Variants in SLC18A3 observed in about 807,000 individuals in gnomAD.
SLC18A3 encodes the protein vesicular acetylcholine transporter.
A neutral mutation model predicts 24.2 loss-of-function variants in SLC18A3; 18 were observed. The ratio of observed to expected loss-of-function variants is 0.74; its 90% CI spans 0.51 to 1.10. The LOEUF is 1.10. SLC18A3 is among the 50% of genes least tolerant of loss of function. The pLI is 0.00. For synonymous variants in SLC18A3, 415 were observed against 355.4 expected (o/e 1.17, Z -1.89); for missense variants, 744 against 750.7 (o/e 0.99, Z 0.10).
At position 49,610,476 on chromosome 10, in the gene SLC18A3, C is replaced by T. The variant is rs910871421; in HGVS notation, c.-265C>T. ...TGCGCCCAGTCTCCGGCCCCGGCCC[C>T]TCGGCGCGCCCGACTTCCCGGCCGC... On this transcript the variant is annotated 5_prime_UTR_variant, in exon 1 of 1. Transcript: ENST00000374115. 91 of 398,108 alleles carry T rather than the reference C, an allele frequency of 2.3e-4. 1 individual carries two copies. The Middle Eastern group carries it at 3.1e-3, about 14-fold the overall frequency. The allele number at this position is 398,108 out of a possible 1,614,324, so 24.7% of individuals were successfully genotyped here. A position where few individuals can be genotyped will look rare whatever the true frequency, so the allele number is the denominator to read the frequency against.
Position 49,611,494 on chromosome 10 carries a change from T to A in SLC18A3, c.754T>A (p.Ser252Thr). Residue 252 changes from serine (S) to threonine (T), a missense_variant, in exon 1 of 1, where the codon TCG (serine) becomes ACG (threonine). Coordinates refer to ENST00000374115, the MANE Select transcript of SLC18A3 (RefSeq NM_003055.3). ...RVPFLVLAAV[S>T]LFDALLLLAV... ...GCCCTTCTTGGTGCTAGCTGCCGTG[T>A]CGCTCTTTGACGCGCTGTTGCTGCT... The A allele has an allele frequency of 6.2e-7, 1 of 1,600,336 alleles. No individual in the cohort carries two copies. Among genetic ancestry groups the A allele is most frequent in the Non-Finnish European group, 8.5e-7 (1 of 1,179,854 alleles).
At position 49,610,429 on chromosome 10, in the gene SLC18A3, T is replaced by C. The variant is rs988281433; in HGVS notation, c.-312T>C. On this transcript the variant is annotated 5_prime_UTR_variant, in exon 1 of 1. Coordinates refer to ENST00000374115, the MANE Select transcript of SLC18A3 (RefSeq NM_003055.3). ...GGCCTCTTAGCGCGGCGGGGGCTGC[T>C]CTGGGCGCGCCCCGGGCGAAGTGCG... The C allele has an allele frequency of 3.1e-6, 1 of 324,762 alleles. No homozygotes were observed. 20.1% of individuals were successfully genotyped at this position (324,762 alleles called of 1,614,324 possible).
rs1284406222 is a variant in SLC18A3 at position 49,612,078 on chromosome 10, G to C, written c.1338G>C (p.Leu446=). ...TGGCAGGCCACATTGTGCACTCGCTGGGCTTTGAGCAGCTCAGCCTTGGCA... is the reference window on the plus strand; with the variant it reads ...TGGCAGGCCACATTGTGCACTCGCTCGGCTTTGAGCAGCTCAGCCTTGGCA... ...PIVAGHIVHS[L]GFEQLSLGMG... is the part of the protein sequence containing the mutation. The change falls in exon 1 of 1, where the codon CTG becomes CTC. Residue 446 remains leucine (L), a synonymous_variant. Coordinates refer to ENST00000374115, the MANE Select transcript of SLC18A3 (RefSeq NM_003055.3). 2.5e-6 allele frequency: 4 copies of C among 1,613,560 alleles called. No homozygotes were observed. In the South Asian group the frequency reaches 4.4e-5, roughly 18 times the overall value.
chr10:49,610,495 C>T lies in SLC18A3; in HGVS notation c.-246C>T. 2 of 408,614 alleles carry T rather than the reference C, an allele frequency of 4.9e-6. No individual in the cohort carries two copies. The highest frequency in any genetic ancestry group is 4.3e-6 in the Non-Finnish European group (1 of 235,172). 25.3% of individuals were successfully genotyped at this position (408,614 alleles called of 1,614,324 possible). ...CGGCCCCTCGGCGCGCCCGACTTCC[C>T]GGCCGCCCCTGAGCCCAGCAGCCGC... On this transcript the variant is annotated 5_prime_UTR_variant, in exon 1 of 1. Coordinates refer to ENST00000374115, the MANE Select transcript of SLC18A3 (RefSeq NM_003055.3).
rs758934192 is a variant in SLC18A3 at position 49,611,420 on chromosome 10, T to G, written c.680T>G (p.Val227Gly). The G allele has an allele frequency of 2.6e-5, 41 of 1,597,724 alleles. No individual in the cohort carries two copies. Among genetic ancestry groups the G allele is most frequent in the Non-Finnish European group, 3.2e-5 (38 of 1,179,116 alleles). Residue 227 changes from valine (V) to glycine (G), a missense_variant, in exon 1 of 1, where the codon GTG (valine) becomes GGG (glycine). By Grantham distance (109) the Val-to-Gly change is moderately radical. Around this residue, in one of 3 missense-constraint regions of SLC18A3, gnomAD observed 566 missense variants for 566.2 expected, o/e 1.00. Transcript: ENST00000374115. Reference protein sequence around the residue: ...ALAFISFGSLVAPPFGGILYE... With the variant: ...ALAFISFGSLGAPPFGGILYE... Reference sequence around the variant, plus strand: ...GCCTTCATTAGCTTCGGAAGCCTAGTGGCCCCGCCCTTCGGGGGCATCCTC... The same window carrying G: ...GCCTTCATTAGCTTCGGAAGCCTAGGGGCCCCGCCCTTCGGGGGCATCCTC...
In SLC18A3 at chr10:49,611,022, G is replaced by A. The variant is rs371337298; in HGVS notation, c.282G>A (p.Thr94=). ...CTCCGGCCAATGCCAGCGCCTACAC[G>A]GCCAACACCTCGGCGTCCCCGACAG... ...LPTPANASAY[T]ANTSASPTAA... is the part of the protein sequence containing the mutation. The change falls in exon 1 of 1, where the codon ACG becomes ACA. Residue 94 remains threonine (T), a synonymous_variant. Transcript: ENST00000374115. 4 of 1,613,852 alleles carry A rather than the reference G, an allele frequency of 2.5e-6. No homozygotes were observed. Among genetic ancestry groups the A allele is most frequent in the Non-Finnish European group, 3.4e-6 (4 of 1,179,894 alleles).
Position 49,612,713 on chromosome 10 carries a change from T to A in SLC18A3, c.*374T>A. 4.4e-6 allele frequency: 1 copy of A among 229,234 alleles called. No homozygotes were observed. Among genetic ancestry groups the A allele is most frequent in the Non-Finnish European group, 8.8e-6 (1 of 113,454 alleles). 14.2% of individuals were successfully genotyped at this position (229,234 alleles called of 1,614,324 possible). ...CGCCCAAATCAATAAACTGTGTCTG[T>A]CCCAGGAGGCCGAGTCTCTTTACTG... On this transcript the variant is annotated 3_prime_UTR_variant, in exon 1 of 1. Coordinates refer to ENST00000374115, the MANE Select transcript of SLC18A3 (RefSeq NM_003055.3).
In SLC18A3 at chr10:49,610,775, C is replaced by G. The variant is rs1449435830; in HGVS notation, c.35C>G (p.Ala12Gly). Reference protein sequence around the residue: ...ESAEPAGQARAAATKLSEAVG... With the variant: ...ESAEPAGQARGAATKLSEAVG... ...GCGGAACCTGCGGGCCAGGCCCGGG[C>G]GGCGGCCACCAAGCTGTCGGAGGCT... The change falls in exon 1 of 1, where the codon GCG becomes GGG. Residue 12 changes from alanine (A) to glycine (G), a missense_variant. This residue lies in a region of SLC18A3 where 566 missense variants were observed against 566.2 expected (regional missense o/e 1.00). Transcript: ENST00000374115. 23 of 1,561,362 alleles carry G rather than the reference C, an allele frequency of 1.5e-5. No homozygotes were observed. Among genetic ancestry groups the G allele is most frequent in the Non-Finnish European group, 1.8e-5 (21 of 1,155,556 alleles).
In SLC18A3 at chr10:49,612,038, C is replaced by G. The variant is rs1481268167; in HGVS notation, c.1298C>G (p.Ala433Gly). 6.2e-7 allele frequency: 1 copy of G among 1,613,718 alleles called. No individual in the cohort carries two copies. Among genetic ancestry groups the G allele is most frequent in the Non-Finnish European group, 8.5e-7 (1 of 1,179,980 alleles). The part of the protein sequence containing the change: ...IADISYSVAY[A>G]LGPIVAGHIV... ...GACATCTCCTATTCGGTGGCCTACGCGCTCGGGCCCATAGTGGCAGGCCAC... is the reference window on the plus strand; with the variant it reads ...GACATCTCCTATTCGGTGGCCTACGGGCTCGGGCCCATAGTGGCAGGCCAC... The change falls in exon 1 of 1, where the codon GCG becomes GGG. Residue 433 changes from alanine to glycine, a missense_variant. This residue lies in a region of SLC18A3 where 160 missense variants were observed against 140.9 expected (regional missense o/e 1.14). Transcript: ENST00000374115.
rs1406958499 is a variant in SLC18A3 at position 49,610,470 on chromosome 10, C to G, written c.-271C>G. 2.5e-6 allele frequency: 1 copy of G among 392,286 alleles called. No homozygotes were observed. Among genetic ancestry groups the G allele is most frequent in the Non-Finnish European group, 4.5e-6 (1 of 223,612 alleles). The allele number at this position is 392,286 out of a possible 1,614,324, so 24.3% of individuals were successfully genotyped here. A position where few individuals can be genotyped will look rare whatever the true frequency, so the allele number is the denominator to read the frequency against. Reference sequence around the variant, plus strand: ...GCGAAGTGCGCCCAGTCTCCGGCCCCGGCCCCTCGGCGCGCCCGACTTCCC... The same window carrying G: ...GCGAAGTGCGCCCAGTCTCCGGCCCGGGCCCCTCGGCGCGCCCGACTTCCC... On this transcript the variant is annotated 5_prime_UTR_variant, in exon 1 of 1. Coordinates refer to ENST00000374115, the MANE Select transcript of SLC18A3 (RefSeq NM_003055.3).
Position 49,612,251 on chromosome 10 carries a change from T to C in SLC18A3, c.1511T>C (p.Val504Ala). The change falls in exon 1 of 1, where the codon GTG becomes GCG. Residue 504 changes from valine to alanine, a missense_variant. Physicochemically the swap from Val to Ala is moderately conservative, Grantham distance 64 (BLOSUM62 0). Around this residue, in one of 3 missense-constraint regions of SLC18A3, gnomAD observed 160 missense variants for 140.9 expected, o/e 1.14. Coordinates refer to ENST00000374115, the MANE Select transcript of SLC18A3 (RefSeq NM_003055.3). ...YDAVRLRERPVSGQDGEPRSP... is the reference protein window; with the variant it reads ...YDAVRLRERPASGQDGEPRSP... The stretch of plus-strand genomic sequence containing the variant: ...GCGGTGCGCCTGCGTGAGCGTCCTG[T>C]GTCTGGCCAGGACGGCGAGCCTCGC... 1.2e-6 allele frequency: 2 copies of C among 1,610,368 alleles called. No individual in the cohort carries two copies. Among genetic ancestry groups the C allele is most frequent in the Non-Finnish European group, 1.7e-6 (2 of 1,179,978 alleles).
chr10:49,612,423 G>A lies in SLC18A3; in HGVS notation c.*84G>A. On this transcript the variant is annotated 3_prime_UTR_variant, in exon 1 of 1. Coordinates refer to ENST00000374115, the MANE Select transcript of SLC18A3 (RefSeq NM_003055.3). ...AGCCCACTGGCCAGCTCTGGCTCAG[G>A]GCCCACCTCCTCCAGCGAGTACCCC... The A allele has an allele frequency of 7.3e-7, 1 of 1,367,456 alleles. No homozygotes were observed. The highest frequency in any genetic ancestry group is 1.4e-5 in the South Asian group (1 of 70,390). 84.7% of individuals were successfully genotyped at this position (1,367,456 alleles called of 1,614,324 possible).
chr10:49,610,707 G>A lies in SLC18A3; in HGVS notation c.-34G>A, dbSNP rs8187731. The A allele has an allele frequency of 2.7e-4, 393 of 1,462,342 alleles. 1 individual carries two copies. The African/African-American group carries it at 4.9e-3, about 18-fold the overall frequency. The allele number at this position is 1,462,342 out of a possible 1,614,324, so 90.6% of individuals were successfully genotyped here. On this transcript the variant is annotated 5_prime_UTR_variant, in exon 1 of 1. Transcript: ENST00000374115. Reference sequence around the variant, plus strand: ...CGGGACGCCAGCGCTCGGCCCTGGCGGAGGCGTCCTCGGAAGAGCATCGGG... The same window carrying A: ...CGGGACGCCAGCGCTCGGCCCTGGCAGAGGCGTCCTCGGAAGAGCATCGGG...
chr10:49,610,591 G>A lies in SLC18A3; in HGVS notation c.-150G>A, dbSNP rs1421232111. On this transcript the variant is annotated 5_prime_UTR_variant, in exon 1 of 1. Transcript: ENST00000374115. ...GAGTCCTTTCCTTTCCCGGGACGCT[G>A]GGCCATGAGCTCCGCGGCCACCTGA... The A allele has an allele frequency of 3.1e-5, 21 of 675,342 alleles. No homozygotes were observed. 41.8% of individuals were successfully genotyped at this position (675,342 alleles called of 1,614,324 possible). A position where few individuals can be genotyped will look rare whatever the true frequency, so the allele number is the denominator to read the frequency against.
rs1300850165 is a variant in SLC18A3 at position 49,612,352 on chromosome 10, T to C, written c.*13T>C. 2 of 1,566,564 alleles carry C rather than the reference T, an allele frequency of 1.3e-6. No individual in the cohort carries two copies. The highest frequency in any genetic ancestry group is 1.8e-5 in the Admixed American group (1 of 56,282). On this transcript the variant is annotated 3_prime_UTR_variant, in exon 1 of 1. Transcript: ENST00000374115. ...CACCCGCAGCTAGCATCCCCACTCCTCCTCCAGCCCACCCAACCGCCTTGG... is the reference window on the plus strand; with the variant it reads ...CACCCGCAGCTAGCATCCCCACTCCCCCTCCAGCCCACCCAACCGCCTTGG...
Position 49,611,296 on chromosome 10 carries a change from G to A in SLC18A3, c.556G>A (p.Gly186Ser). ...ATLFAARSLQ[G>S]LGSAFADTSG... ...GCTGTTCGCGGCGCGCAGCCTGCAG[G>A]GCCTGGGCTCAGCCTTCGCCGACAC... The change falls in exon 1 of 1, where the codon GGC becomes AGC. Residue 186 changes from glycine (G) to serine (S), a missense_variant. Physicochemically the swap from Gly to Ser is moderately conservative, Grantham distance 56 (BLOSUM62 0). This residue lies in a region of SLC18A3 where 566 missense variants were observed against 566.2 expected (regional missense o/e 1.00). Transcript: ENST00000374115. 6.2e-7 allele frequency: 1 copy of A among 1,608,712 alleles called. No homozygotes were observed. Among genetic ancestry groups the A allele is most frequent in the Non-Finnish European group, 8.5e-7 (1 of 1,179,924 alleles).
At position 49,611,026 on chromosome 10, in the gene SLC18A3, A is replaced by G. The variant is rs1456915318; in HGVS notation, c.286A>G (p.Asn96Asp). The change falls in exon 1 of 1, where the codon AAC (asparagine) becomes GAC (aspartate). Residue 96 changes from asparagine (N) to aspartate (D), a missense_variant. Coordinates refer to ENST00000374115, the MANE Select transcript of SLC18A3 (RefSeq NM_003055.3). The part of the protein sequence containing the change: ...TPANASAYTA[N>D]TSASPTAAWP... ...GGCCAATGCCAGCGCCTACACGGCC[A>G]ACACCTCGGCGTCCCCGACAGCTGC... 1 of 1,613,750 alleles carries G rather than the reference A, an allele frequency of 6.2e-7. No individual in the cohort carries two copies. The highest frequency in any genetic ancestry group is 1.7e-5 in the Admixed American group (1 of 59,992).
rs1838312944 is a variant in SLC18A3, at chr10:49,612,040, C to G, written c.1300C>G (p.Leu434Val). 6.2e-7 allele frequency: 1 copy of G among 1,613,804 alleles called. No individual in the cohort carries two copies. The highest frequency in any genetic ancestry group is 1.7e-5 in the Admixed American group (1 of 60,030). The change falls in exon 1 of 1, where the codon CTC (leucine) becomes GTC (valine). Residue 434 changes from leucine to valine, a missense_variant. Physicochemically the swap from Leu to Val is conservative, Grantham distance 32 (BLOSUM62 1). Transcript: ENST00000374115. Reference sequence around the variant, plus strand: ...CATCTCCTATTCGGTGGCCTACGCGCTCGGGCCCATAGTGGCAGGCCACAT... The same window carrying G: ...CATCTCCTATTCGGTGGCCTACGCGGTCGGGCCCATAGTGGCAGGCCACAT... ...ADISYSVAYA[L>V]GPIVAGHIVH...
Position 49,612,418 on chromosome 10 carries a change from C to T in SLC18A3, c.*79C>T. ...CTGCAAGCCCACTGGCCAGCTCTGG[C>T]TCAGGGCCCACCTCCTCCAGCGAGT... On this transcript the variant is annotated 3_prime_UTR_variant, in exon 1 of 1. Transcript: ENST00000374115. 1 of 1,410,388 alleles carries T rather than the reference C, an allele frequency of 7.1e-7. No homozygotes were observed. Among genetic ancestry groups the T allele is most frequent in the Non-Finnish European group, 9.6e-7 (1 of 1,037,130 alleles). 87.4% of individuals were successfully genotyped at this position (1,410,388 alleles called of 1,614,324 possible).
Sources: allele counts gnomAD v4.1 joint callset, GRCh38; gene constraint gnomAD v4.1.1; regional missense constraint gnomAD v4.1.1; transcripts MANE v1.5; gene names NCBI Gene and HGNC (gene_info 2026-07-23, HGNC 2026-07-21).